JMJD1C: variants seen among roughly 807,000 people sequenced by gnomAD.
The protein encoded by JMJD1C is jumonji domain containing 1C, also known as jumonji domain-containing protein 1C.
JMJD1C carries 31 observed loss-of-function variants against 245.3 expected under a neutral mutation model. That is an observed-to-expected ratio of 0.13 (90% confidence interval 0.09 to 0.17). JMJD1C has a LOEUF of 0.17. Among genes scored for constraint, JMJD1C ranks in the 10% least tolerant of loss-of-function variants. The pLI is 1.00. For missense variants in JMJD1C, 2,691 were observed against 3,000.2 expected, an observed-to-expected ratio of 0.90 and a Z score of 2.41; for synonymous variants, 1,057 against 1,017.4, an observed-to-expected ratio of 1.04 and a Z score of -0.74.
At chr10:63,442,818 T>G (rs187999316) in intron 1 of JMJD1C, among the ~76,000 whole-genome samples, 1 of 152,284 alleles carries the variant, frequency 6.6e-6, no homozygotes, top group East Asian at 1.9e-4. Context: ...CAGCACTTAT[T>G]ACTACATAAT....
intron 10 of JMJD1C, chr10:63,202,512 T>C: frequency 2.0e-6 from 2 of 985,458 alleles, no homozygotes; most frequent in South Asian, 9.4e-5. Context: ...TACAAAGCAC[T>C]GTGTTTAAAT....
At chr10:63,423,977 A>T (rs10995532) in intron 1 of JMJD1C, among the ~76,000 whole-genome samples, 3,776 of 152,222 alleles carry the variant, frequency 0.025, 164 homozygotes, top group African/African-American at 0.085. Context: ...TCCCATTTTA[A>T]AATTGGGTTG....
At chr10:63,202,805 T>C (rs1846174236) in intron 10 of JMJD1C, 1 of 984,728 alleles carries the variant, frequency 1.0e-6, no homozygotes, top group Non-Finnish European at 1.2e-6. Context: ...TCAGAGCTTT[T>C]ACAAGTTGGA....
At chr10:63,302,447 C>T (rs540897624) in intron 2 of JMJD1C, among the ~76,000 whole-genome samples, 3 of 152,100 alleles carry the variant, frequency 2.0e-5, no homozygotes, top group Admixed American at 2.0e-4. Context: ...TTGATCTTTG[C>T]TAATCTGATA....
intron 2 of JMJD1C, among the ~76,000 whole-genome samples, chr10:63,273,986 G>A (rs1162136745): frequency 1.3e-5 from 2 of 152,068 alleles, no homozygotes; most frequent in African/African-American, 2.4e-5. Context: ...CTTTATACAC[G>A]TGGAAGCCTA....
At chr10:63,217,532 C>G (rs1418807420) in intron 4 of JMJD1C, among the ~76,000 whole-genome samples, 3 of 152,082 alleles carry the variant, frequency 2.0e-5, no homozygotes, top group Admixed American at 6.5e-5. Context: ...CCACATACTT[C>G]CTGATTCAAT....
intron 2 of JMJD1C, among the ~76,000 whole-genome samples, chr10:63,355,775 C>T (rs1268883745): frequency 1.3e-5 from 2 of 151,802 alleles, no homozygotes; most frequent in Non-Finnish European, 2.9e-5. Context: ...TGCTCATGTG[C>T]ATTTATCTTA....
At chr10:63,251,072 T>C (rs992522228) in intron 3 of JMJD1C, among the ~76,000 whole-genome samples, 2 of 152,036 alleles carry the variant, frequency 1.3e-5, no homozygotes, top group Non-Finnish European at 2.9e-5. Context: ...CTAGCCTAGG[T>C]ATTGCGTTTT....
Position 63,276,884 on chromosome 10 carries a change from C to CTTTTTTTTTTTTTTTTT in JMJD1C, c.334-12137_334-12121dup, listed in dbSNP as rs760452367. Among the ~76,000 whole-genome samples, 5 of 96,252 alleles carry CTTTTTTTTTTTTTTTTT rather than the reference C, an allele frequency of 5.2e-5. 1 individual carries two copies. Among genetic ancestry groups the CTTTTTTTTTTTTTTTTT allele is most frequent in the Admixed American group, 2.6e-4 (2 of 7,818 alleles). The allele number at this position is 96,252 out of a possible 152,430, so 63.1% of individuals were successfully genotyped here. A position where few individuals can be genotyped will look rare whatever the true frequency, so the allele number is the denominator to read the frequency against. On this transcript the variant is annotated intron_variant, in intron 2 of 25. Coordinates refer to ENST00000399262, the MANE Select transcript of JMJD1C (RefSeq NM_032776.3). ...CTATGGAAGGAATAGAAGCTTGGGG[C>CTTTTTTTTTTTTTTTTT]TTTTTTTTTTTTTTTTTTGAGAGAG...
chr10:63,345,316 G>C (rs1943714165), intron 2 of JMJD1C, among the ~76,000 whole-genome samples: 1 of 151,988 alleles, frequency 6.6e-6, no homozygotes, highest in Non-Finnish European at 1.5e-5. Context: ...GTGAAACCCT[G>C]TCTCTACTAA....
rs1846763637 is a variant in JMJD1C at position 63,207,410 on chromosome 10, A to G, written c.4259T>C (p.Leu1420Ser). ...TGTAGAGGCCAAAATGGTATTTGAT[A>G]AAGAGGAAATTACTTCTGAACCACC... ...SWGGSEVISS[L>S]SNTILASTSS... The change falls in exon 10 of 26, where the codon TTA becomes TCA. Residue 1420 changes from leucine to serine, a missense_variant. Physicochemically the swap from Leu to Ser is moderately radical, Grantham distance 145. Transcript: ENST00000399262. The G allele has an allele frequency of 6.2e-7, 1 of 1,614,056 alleles. No individual in the cohort carries two copies. The highest frequency in any genetic ancestry group is 1.1e-5 in the South Asian group (1 of 91,086).
Position 63,465,793 on chromosome 10 carries a change from G to A in JMJD1C, c.-131C>T. 1.8e-6 allele frequency: 2 copies of A among 1,081,262 alleles called. No homozygotes were observed. The highest frequency in any genetic ancestry group is 2.7e-5 in the South Asian group (2 of 75,008). 67.0% of individuals were successfully genotyped at this position (1,081,262 alleles called of 1,614,324 possible). ...AGCGGACCCGAAAGAGCGCAGACTC[G>A]GGACGAACCGGCCGCTCTGCCCCGG... On this transcript the variant is annotated 5_prime_UTR_variant, in exon 1 of 26. Transcript: ENST00000399262.
intron 1 of JMJD1C, among the ~76,000 whole-genome samples, chr10:63,495,051 A>G (rs1245924595): frequency 6.6e-6 from 1 of 152,104 alleles, no homozygotes; most frequent in Admixed American, 6.5e-5. Flanking sequence ...GACAGTGACT[A>G]TGTTTTATAT....
At chr10:63,521,859 C>G (rs960653368), upstream of JMJD1C, 8 of 174,806 alleles carry the variant, frequency 4.6e-5, no homozygotes, top group Non-Finnish European at 4.8e-5. Context: ...CGCGGCGCCC[C>G]TGCTCCGGCG....
chr10:63,345,075 A>G (rs568951193), intron 2 of JMJD1C, among the ~76,000 whole-genome samples: 6 of 152,358 alleles, frequency 3.9e-5, no homozygotes, highest in South Asian at 2.1e-4. Context: ...AAAAATCTGT[A>G]TATGTATGTT....
chr10:63,215,582 G>A lies in JMJD1C; in HGVS notation c.793C>T (p.Arg265Cys), dbSNP rs200945568. The A allele has an allele frequency of 8.1e-5, 131 of 1,610,234 alleles. No homozygotes were observed. The highest frequency in any genetic ancestry group is 2.0e-4 in the Admixed American group (12 of 59,882). ...ACAGCGTTGACGTTTTGATTGGCAC[G>A]AGACCTGCGTCGTGATGTAATGCCA... is the stretch of plus-strand genomic sequence containing the variant. ...NIGITSRRRS[R>C]ANQNVNAVHS... is the part of the protein sequence containing the mutation. Residue 265 changes from arginine (R) to cysteine (C), a missense_variant, in exon 6 of 26, where the codon CGT becomes TGT. By Grantham distance (180) the Arg-to-Cys change is radical. Coordinates refer to ENST00000399262, the MANE Select transcript of JMJD1C (RefSeq NM_032776.3).
rs184413979 is a variant in JMJD1C at position 63,204,765 on chromosome 10, G to T, written c.5074+1830C>A. ...AGTCTGTCAGTCTCTGGCTCTAGTT[G>T]AGTTTGTCCTTTGTTCTTTCACTTT... On this transcript the variant is annotated intron_variant, in intron 10 of 25. Coordinates refer to ENST00000399262, the MANE Select transcript of JMJD1C (RefSeq NM_032776.3). 2.5e-5 allele frequency: 25 copies of T among 985,442 alleles called. No individual in the cohort carries two copies. In the Admixed American group the frequency reaches 6.8e-4, roughly 27 times the overall value. The allele number at this position is 985,442 out of a possible 1,614,324, so 61.0% of individuals were successfully genotyped here.
rs543727622 is a variant in JMJD1C, at chr10:63,206,017, T to A, written c.5074+578A>T. On this transcript the variant is annotated intron_variant, in intron 10 of 25. Transcript: ENST00000399262. Reference sequence around the variant, plus strand: ...CATTCTGTCACTGACTGAAAAGTTGTTATGCAGCACATGACTGTACTATGC... The same window carrying A: ...CATTCTGTCACTGACTGAAAAGTTGATATGCAGCACATGACTGTACTATGC... 8.5e-5 allele frequency among the ~76,000 whole-genome samples: 13 copies of A among 152,232 alleles called. No individual in the cohort carries two copies. The East Asian group carries it at 2.5e-3, about 29-fold the overall frequency.
chr10:63,366,057 G>A (rs1664494557), intron 2 of JMJD1C, among the ~76,000 whole-genome samples: 1 of 152,214 alleles, frequency 6.6e-6, no homozygotes, highest in Non-Finnish European at 1.5e-5. Flanking sequence ...TCATTATAAT[G>A]AGCACATAGA....
Sources: allele counts gnomAD v4.1 joint callset (sites outside exome capture counted in the v4.1 genomes callset), GRCh38; gene constraint gnomAD v4.1.1; transcripts MANE v1.5; gene names NCBI Gene and HGNC (gene_info 2026-07-23, HGNC 2026-07-21).